Variants in ADORA1 observed in about 807,000 individuals in gnomAD.
ADORA1 encodes adenosine receptor A1.
Under a neutral mutation model 19.9 loss-of-function variants are expected in ADORA1, and 6 were observed. The ratio of observed to expected loss-of-function variants is 0.30; its 90% CI spans 0.17 to 0.59. ADORA1 has a LOEUF of 0.59. Ranked by LOEUF, ADORA1 falls within the 20% of genes least tolerant of loss-of-function variation. ADORA1 has a pLI of 0.87. For missense variants in ADORA1, 302 were observed against 439.2 expected (o/e 0.69, Z 2.79); for synonymous variants, 194 against 188.4 (o/e 1.03, Z -0.24).
At chr1:203,163,931 G>T (rs1655451663) in intron 3 of ADORA1, among the ~76,000 whole-genome samples, 1 of 152,154 alleles carries the variant, frequency 6.6e-6, no homozygotes, top group Admixed American at 6.5e-5. Context: ...TGCTCAGGAG[G>T]GCACTCCATC....
chr1:203,141,075 C>A (rs997551190), intron 3 of ADORA1, among the ~76,000 whole-genome samples: 1 of 152,136 alleles, frequency 6.6e-6, no homozygotes, highest in Non-Finnish European at 1.5e-5. Flanking sequence ...TCAGCGAATG[C>A]AGCTGAGAAC....
intron 3 of ADORA1, among the ~76,000 whole-genome samples, chr1:203,154,331 G>T (rs1655127658): frequency 1.3e-5 from 2 of 152,216 alleles, no homozygotes. Context: ...TCTTCCTGAT[G>T]CAGCTTTACT....
intron 3 of ADORA1, among the ~76,000 whole-genome samples, chr1:203,157,744 C>G (rs566591884): frequency 6.6e-6 from 1 of 152,362 alleles, no homozygotes; most frequent in Non-Finnish European, 1.5e-5. Context: ...CTGCCAAGAC[C>G]TACCTACCAC....
chr1:203,128,953 C>G lies in ADORA1; in HGVS notation c.112C>G (p.Gln38Glu). The G allele has an allele frequency of 6.2e-7, 1 of 1,614,092 alleles. No homozygotes were observed. Among genetic ancestry groups the G allele is most frequent in the Admixed American group, 1.7e-5 (1 of 60,024 alleles). The stretch of plus-strand genomic sequence containing the variant: ...GGTGATCTGGGCGGTGAAGGTGAAC[C>G]AGGCGCTGCGGGATGCCACCTTCTG... Reference protein sequence around the residue: ...VLVIWAVKVNQALRDATFCFI... With the variant: ...VLVIWAVKVNEALRDATFCFI... The change falls in exon 3 of 4, where the codon CAG becomes GAG. Residue 38 changes from glutamine (Q) to glutamate (E), a missense_variant. By Grantham distance (29) the Gln-to-Glu change is conservative. Transcript: ENST00000337894. This position sits in a 1 kb window ranked among gnomAD's most constrained non-coding sequence, Gnocchi z 5.9.
intron 3 of ADORA1, among the ~76,000 whole-genome samples, chr1:203,164,170 G>A (rs1490901167): frequency 6.6e-6 from 1 of 152,226 alleles, no homozygotes; most frequent in African/African-American, 2.4e-5. Flanking sequence ...TCATCCAGAT[G>A]TTTCTATCTT....
In ADORA1 at chr1:203,128,406, G is replaced by A. The variant is rs1438330232; in HGVS notation, c.-84G>A. On this transcript the variant is annotated 5_prime_UTR_variant, in exon 2 of 4. Coordinates refer to ENST00000337894, the MANE Select transcript of ADORA1 (RefSeq NM_000674.3). The surrounding 1 kb of genome is among the most constrained non-coding windows in gnomAD (Gnocchi z 5.9). ...CTGGAACTTTGGGCACTGCCTCTGG[G>A]ACCCCTGCCGGCCAGCAGGCAGGAT... 1 of 1,292,064 alleles carries A rather than the reference G, an allele frequency of 7.7e-7. No individual in the cohort carries two copies. The highest frequency in any genetic ancestry group is 2.3e-5 in the Admixed American group (1 of 43,634). The allele number at this position is 1,292,064 out of a possible 1,614,324, so 80.0% of individuals were successfully genotyped here.
At position 203,149,626 on chromosome 1, in the gene ADORA1, T is replaced by A. The variant is rs966050454; in HGVS notation, c.342-15635T>A. ...AGTGGCTTGAGATATCGGGGCTGAG[T>A]GGTTGAGGCGGGACCTTCGAGTGGA... On this transcript the variant is annotated intron_variant, in intron 3 of 3. Transcript: ENST00000337894. Among the ~76,000 whole-genome samples, 12 of 152,152 alleles carry A rather than the reference T, an allele frequency of 7.9e-5. No individual in the cohort carries two copies. In the South Asian group the frequency reaches 2.5e-3, roughly 32 times the overall value.
chr1:203,141,253 C>T (rs377711514), intron 3 of ADORA1, among the ~76,000 whole-genome samples: 4 of 152,374 alleles, frequency 2.6e-5, no homozygotes, highest in South Asian at 4.1e-4. Flanking sequence ...GAAATCATCT[C>T]CTTTTGCCTC....
At chr1:203,140,784 G>T (rs562744541) in intron 3 of ADORA1, among the ~76,000 whole-genome samples, 5 of 152,336 alleles carry the variant, frequency 3.3e-5, no homozygotes, top group African/African-American at 9.6e-5. Flanking sequence ...GGAGACAGCA[G>T]AGTTGGGGGG....
chr1:203,129,338 C>A, intron 3 of ADORA1, 156 bp downstream of exon 3: 1 of 948,044 alleles, frequency 1.1e-6, no homozygotes, highest in Non-Finnish European at 1.3e-6. Flanking sequence ...CCGTGCTCCG[C>A]TCTGCAGGGC....
intron 3 of ADORA1, among the ~76,000 whole-genome samples, chr1:203,130,676 A>G (rs1558125777): frequency 6.6e-6 from 1 of 152,354 alleles, no homozygotes; most frequent in East Asian, 1.9e-4. Flanking sequence ...GTGTTGCCAC[A>G]TTTGGAAACT....
intron 3 of ADORA1, among the ~76,000 whole-genome samples, chr1:203,153,753 C>T (rs947858725): frequency 3.9e-5 from 6 of 152,162 alleles, no homozygotes; most frequent in Admixed American, 3.3e-4. Flanking sequence ...AAATATTTGG[C>T]CCCTGGAGTG....
chr1:203,163,709 C>A (rs571407794), intron 3 of ADORA1, among the ~76,000 whole-genome samples: 2 of 152,144 alleles, frequency 1.3e-5, no homozygotes, highest in Non-Finnish European at 2.9e-5. Context: ...TCCCACTGGG[C>A]AAATTGTCTC....
In ADORA1 at chr1:203,128,645, T is replaced by G; in HGVS notation, c.-57-140T>G. The G allele has an allele frequency of 9.4e-7, 1 of 1,063,176 alleles. No individual in the cohort carries two copies. Among genetic ancestry groups the G allele is most frequent in the Non-Finnish European group, 1.3e-6 (1 of 759,956 alleles). 65.9% of individuals were successfully genotyped at this position (1,063,176 alleles called of 1,614,324 possible). A position where few individuals can be genotyped will look rare whatever the true frequency, so the allele number is the denominator to read the frequency against. ...GGGACAAAGATTAGGCAGAGAAGGG[T>G]CCGGGTGCCCCTCCAGCCTGGGTAG... is the stretch of plus-strand genomic sequence containing the variant. On this transcript the variant is annotated intron_variant, in intron 2 of 3. Transcript: ENST00000337894. The surrounding 1 kb of genome is among the most constrained non-coding windows in gnomAD (Gnocchi z 5.9).
rs575274716 is a variant in ADORA1, at chr1:203,146,003, G to A, written c.341+16821G>A. On this transcript the variant is annotated intron_variant, in intron 3 of 3. Coordinates refer to ENST00000337894, the MANE Select transcript of ADORA1 (RefSeq NM_000674.3). ...TGCCACTGCTCTGGGTATGGTGCCC[G>A]GGGCATCTGCCTCTGAAATGTCGGA... Among the ~76,000 whole-genome samples, 23 of 152,276 alleles carry A rather than the reference G, an allele frequency of 1.5e-4. No individual in the cohort carries two copies. In the South Asian group the frequency reaches 2.5e-3, roughly 16 times the overall value.
At chr1:203,139,070 C>T (rs947791689) in intron 3 of ADORA1, among the ~76,000 whole-genome samples, 24 of 152,194 alleles carry the variant, frequency 1.6e-4, no homozygotes, top group Admixed American at 1.1e-3. Flanking sequence ...CTGCCCGCCT[C>T]GGCCTCCCAA....
At chr1:203,144,373 G>A (rs1355886666) in intron 3 of ADORA1, among the ~76,000 whole-genome samples, 1 of 152,188 alleles carries the variant, frequency 6.6e-6, no homozygotes, top group Non-Finnish European at 1.5e-5. Context: ...TGAATGAATG[G>A]TAATAGTAGT....
intron 3 of ADORA1, among the ~76,000 whole-genome samples, chr1:203,131,831 G>A (rs1406929883): frequency 6.6e-6 from 1 of 152,198 alleles, no homozygotes; most frequent in East Asian, 1.9e-4. Context: ...GCAGGCTGCT[G>A]GGTCTACGAA....
chr1:203,158,565 C>G (rs1227088310), intron 3 of ADORA1, among the ~76,000 whole-genome samples: 1 of 152,194 alleles, frequency 6.6e-6, no homozygotes, highest in East Asian at 1.9e-4. Context: ...TTAGCCTGCT[C>G]CTCCAAACTC....
Sources: allele counts gnomAD v4.1 joint callset (sites outside exome capture counted in the v4.1 genomes callset), GRCh38; gene constraint gnomAD v4.1.1; non-coding constraint Gnocchi (gnomAD v3.1); transcripts MANE v1.5; gene names NCBI Gene and HGNC (gene_info 2026-07-23, HGNC 2026-07-21).